The following PCDH11X variants were observed in gnomAD, a reference collection of about 807,000 sequenced individuals.
PCDH11X encodes the protein protocadherin-11 X-linked.
PCDH11X carries 18 observed loss-of-function variants against 53.3 expected under a neutral mutation model. The observed-to-expected ratio is 0.34, with a 90% CI of 0.23 to 0.50. The LOEUF (loss-of-function observed/expected upper bound fraction) is 0.50, where lower values mean the gene tolerates loss of function less well. PCDH11X is among the 20% of genes least tolerant of loss of function. The pLI is 0.98. For missense variants in PCDH11X, 570 were observed against 1,032.4 expected, an observed-to-expected ratio of 0.55 and a Z score of 6.14; for synonymous variants, 279 against 393.3, an observed-to-expected ratio of 0.71 and a Z score of 3.44.
At chrX:91,891,085 A>T (rs1275543969) in intron 6 of PCDH11X, among the ~76,000 whole-genome samples, 2 of 108,819 alleles carry the variant, frequency 1.8e-5, no homozygotes, top group Non-Finnish European at 3.8e-5. Context: ...AGGATTCATA[A>T]CAGTCACTTT....
chrX:92,078,873 C>T (rs2759912), intron 6 of PCDH11X, among the ~76,000 whole-genome samples: 6 of 110,904 alleles, frequency 5.4e-5, no homozygotes, highest in East Asian at 2.9e-4. Context: ...CTCTCACACA[C>T]GCCTATATAG....
intron 6 of PCDH11X, among the ~76,000 whole-genome samples, chrX:92,011,921 A>G (rs2147981276): frequency 9.0e-6 from 1 of 110,544 alleles, no homozygotes; most frequent in African/African-American, 3.3e-5. Flanking sequence ...CCAGTCTCAG[A>G]ATCTAGGCCT....
At chrX:91,921,105 C>T (rs932387592) in intron 6 of PCDH11X, among the ~76,000 whole-genome samples, 2 of 111,700 alleles carry the variant, frequency 1.8e-5, no homozygotes, top group African/African-American at 6.5e-5. Context: ...TACAACTTTG[C>T]TCCCAGAGCA....
intron 7 of PCDH11X, among the ~76,000 whole-genome samples, chrX:92,234,549 G>A (rs1367128493): frequency 5.4e-5 from 6 of 111,476 alleles, no homozygotes; most frequent in Admixed American, 1.9e-4. Context: ...TTTAGACTCC[G>A]TTTTCCAAGG....
chrX:92,220,382 G>A (rs1240859296), intron 7 of PCDH11X, among the ~76,000 whole-genome samples: 11 of 95,934 alleles, frequency 1.1e-4, no homozygotes, highest in Non-Finnish European at 1.9e-4. Flanking sequence ...TCAAAAAGTG[G>A]GCAAAGGACA....
intron 10 of PCDH11X, among the ~76,000 whole-genome samples, chrX:92,556,498 A>G (rs768669050): frequency 1.8e-5 from 2 of 111,762 alleles, no homozygotes; most frequent in South Asian, 7.4e-4. Context: ...CCAACAGAGA[A>G]GTCAATAAAT....
intron 4 of PCDH11X, among the ~76,000 whole-genome samples, chrX:91,819,826 C>G (rs1434341726): frequency 2.2e-5 from 2 of 91,209 alleles, no homozygotes; most frequent in Non-Finnish European, 4.3e-5. Flanking sequence ...CCCCCCTCCC[C>G]CAACCCCACA....
intron 10 of PCDH11X, among the ~76,000 whole-genome samples, chrX:92,494,868 T>G (rs2073833136): frequency 1.1e-5 from 1 of 92,520 alleles, no homozygotes; most frequent in Admixed American, 1.3e-4. Context: ...AGGGTGCCAT[T>G]CTACTGTCGA....
chrX:92,131,003 G>A (rs2064962431), intron 6 of PCDH11X, among the ~76,000 whole-genome samples: 1 of 110,009 alleles, frequency 9.1e-6, no homozygotes, highest in African/African-American at 3.3e-5. Context: ...TTAGGTGTTT[G>A]TTGGAATGCA....
chrX:92,575,355 A>T (rs1359253190), intron 10 of PCDH11X, among the ~76,000 whole-genome samples: 1 of 110,086 alleles, frequency 9.1e-6, no homozygotes, highest in African/African-American at 3.3e-5. Context: ...TTTGTTTTTA[A>T]TTTTTAATAA....
chrX:92,041,753 C>T (rs938839531), intron 6 of PCDH11X, among the ~76,000 whole-genome samples: 3 of 111,889 alleles, frequency 2.7e-5, no homozygotes, highest in East Asian at 2.8e-4. Context: ...GGGCAGATTA[C>T]GAGCTCAGGA....
At chrX:92,203,727 G>A (rs1295095666) in intron 7 of PCDH11X, among the ~76,000 whole-genome samples, 2 of 111,908 alleles carry the variant, frequency 1.8e-5, no homozygotes, top group African/African-American at 3.3e-5. Context: ...GTCAGAAAGT[G>A]GAGAGTGCTG....
intron 6 of PCDH11X, among the ~76,000 whole-genome samples, chrX:91,998,533 A>G (rs1175854902): frequency 1.8e-5 from 2 of 108,420 alleles, no homozygotes; most frequent in South Asian, 7.7e-4. Context: ...TTGTGGATCT[A>G]TTTGACTCTA....
chrX:92,585,008 C>T (rs189641994), intron 10 of PCDH11X, among the ~76,000 whole-genome samples: 2 of 109,944 alleles, frequency 1.8e-5, no homozygotes, highest in African/African-American at 6.6e-5. Context: ...GTTATACAGT[C>T]CCACGGGCTG....
chrX:91,998,116 T>G lies in PCDH11X; in HGVS notation c.3033+118843T>G, dbSNP rs147427287. ...GCCCTGCTAATTTGTGTATTTTTAG[T>G]AGAGACAGGATTTCACCATGTTGGC... On this transcript the variant is annotated intron_variant, in intron 6 of 10. Coordinates refer to ENST00000682573, the MANE Select transcript of PCDH11X (RefSeq NM_032968.5). Among the ~76,000 whole-genome samples the G allele has an allele frequency of 6.9e-3, 764 of 110,626 alleles. 7 individuals are homozygous for G. The highest frequency in any genetic ancestry group is 0.024 in the African/African-American group (714 of 30,379).
intron 10 of PCDH11X, among the ~76,000 whole-genome samples, chrX:92,537,836 A>T (rs183147407): frequency 1.8e-5 from 2 of 109,517 alleles, no homozygotes; most frequent in South Asian, 7.8e-4. Flanking sequence ...TGATTTTTGT[A>T]TATTGATTTT....
Position 92,420,124 on chromosome X carries a change from G to A in PCDH11X, c.3343+32191G>A, listed in dbSNP as rs1410007607. On this transcript the variant is annotated intron_variant, in intron 9 of 10. Transcript: ENST00000682573. ...TAATATACATACCTAACCTTTCACA[G>A]TTTACTCAGAGTTATATTTTACTAC... 3.6e-5 allele frequency among the ~76,000 whole-genome samples: 4 copies of A among 111,156 alleles called. No homozygotes were observed. The Admixed American group carries it at 3.8e-4, about 11-fold the overall frequency.
chrX:91,995,072 A>T (rs1190233463), intron 6 of PCDH11X, among the ~76,000 whole-genome samples: 1 of 110,898 alleles, frequency 9.0e-6, no homozygotes, highest in Non-Finnish European at 1.9e-5. Flanking sequence ...CCCTTATCAG[A>T]TATGTGATTT....
chrX:92,234,461 A>T (rs1263488679), intron 7 of PCDH11X, among the ~76,000 whole-genome samples: 1 of 112,147 alleles, frequency 8.9e-6, no homozygotes, highest in African/African-American at 3.2e-5. Flanking sequence ...GAAACCAGAC[A>T]TATCAAATCT....
Sources: gnomAD v4.1 joint callset for allele counts (sites outside exome capture counted in the v4.1 genomes callset) on GRCh38, gnomAD v4.1.1 for gene constraint, MANE v1.5 for transcripts, NCBI Gene and HGNC (gene_info 2026-07-23, HGNC 2026-07-21) for gene names.